The following ITGB1BP1 variants were observed in gnomAD, a reference collection of about 807,000 sequenced individuals.
The protein encoded by ITGB1BP1 is integrin subunit beta 1 binding protein 1.
Under a neutral mutation model 28.0 loss-of-function variants are expected in ITGB1BP1, and 20 were observed. The observed-to-expected ratio is 0.71, with a 90% CI of 0.50 to 1.04. The LOEUF (loss-of-function observed/expected upper bound fraction) is 1.04. Ranked by LOEUF, ITGB1BP1 falls within the 50% of genes least tolerant of loss-of-function variation. The probability of loss-of-function intolerance (pLI) is 0.00; values close to 1 mark genes in which losing one functional copy is unlikely to be tolerated. For missense variants in ITGB1BP1, 228 were observed against 242.5 expected (o/e 0.94, Z 0.40); for synonymous variants, 103 against 89.5 (o/e 1.15, Z -0.85).
At chr2:9,407,821 C>T (rs1677736160) in intron 5 of ITGB1BP1, among the ~76,000 whole-genome samples, 1 of 151,444 alleles carries the variant, frequency 6.6e-6, no homozygotes, top group Admixed American at 6.6e-5. Flanking sequence ...GCCCACCGTC[C>T]AAGCTGACAG....
At chr2:9,409,841 C>CTTTTTTTT (rs1036594187) in intron 4 of ITGB1BP1, among the ~76,000 whole-genome samples, 2 of 123,164 alleles carry the variant, frequency 1.6e-5, no homozygotes, top group Admixed American at 8.6e-5. Flanking sequence ...ACCGTGAGTT[C>CTTTTTTTT]TTTTTTTTTT....
intron 4 of ITGB1BP1, among the ~76,000 whole-genome samples, chr2:9,410,125 C>T (rs1361097341): frequency 6.6e-6 from 1 of 151,934 alleles, no homozygotes; most frequent in Non-Finnish European, 1.5e-5. Context: ...AATTATAGGC[C>T]TGAGCCACCG....
chr2:9,419,084 T>C (rs1388747369), intron 1 of ITGB1BP1, among the ~76,000 whole-genome samples: 1 of 152,220 alleles, frequency 6.6e-6, no homozygotes, highest in East Asian at 1.9e-4. Flanking sequence ...TGGTTACAGT[T>C]ACATCAGGAA....
chr2:9,412,063 A>G (rs1235747031), intron 4 of ITGB1BP1: 1 of 454,398 alleles, frequency 2.2e-6, no homozygotes, highest in South Asian at 3.3e-5. Context: ...AAAAAAAAAA[A>G]GTACCGTGTT....
chr2:9,407,042 G>A (rs10929579), intron 6 of ITGB1BP1, 137 bp from the exon 7 acceptor site: 337,586 of 688,730 alleles, frequency 0.49, 89,238 homozygotes, highest in Middle Eastern at 0.63. Context: ...GCCTGGGTCA[G>A]TGGAACCCAT....
chr2:9,407,211 T>A (rs1486662047), intron 6 of ITGB1BP1: 4 of 607,902 alleles, frequency 6.6e-6, no homozygotes, highest in Non-Finnish European at 1.2e-5. Flanking sequence ...TTTCCTCAGC[T>A]GCTTTGTTTA....
At chr2:9,414,097 A>G (rs1678812332) in intron 3 of ITGB1BP1, 81 bp downstream of exon 3, 1 of 1,128,858 alleles carries the variant, frequency 8.9e-7, no homozygotes, top group Non-Finnish European at 1.3e-6. Context: ...AATACTGAAG[A>G]ACTCATTGTG....
chr2:9,412,592 C>T (rs959868387), intron 3 of ITGB1BP1, 187 bp from the exon 4 acceptor site: 2 of 546,134 alleles, frequency 3.7e-6, no homozygotes, highest in Non-Finnish European at 3.2e-6. Flanking sequence ...TCCTCAGTGA[C>T]TCATGGTATA....
intron 1 of ITGB1BP1, among the ~76,000 whole-genome samples, chr2:9,419,164 T>C (rs964453498): frequency 5.3e-5 from 8 of 152,244 alleles, no homozygotes; most frequent in African/African-American, 1.9e-4. Flanking sequence ...TTGGATACTA[T>C]TCCTTTTCAT....
At chr2:9,411,385 G>A (rs1678355659) in intron 4 of ITGB1BP1, among the ~76,000 whole-genome samples, 2 of 152,108 alleles carry the variant, frequency 1.3e-5, no homozygotes, top group South Asian at 2.1e-4. Flanking sequence ...ACCAGTCACC[G>A]CAACCAGCTC....
rs1677207479 is a variant in ITGB1BP1 at position 9,405,869 on chromosome 2, T to C, written c.*965A>G. 1.3e-5 allele frequency: 2 copies of C among 152,218 alleles called. No individual in the cohort carries two copies. Among genetic ancestry groups the C allele is most frequent in the African/African-American group, 4.8e-5 (2 of 41,456 alleles). The allele number at this position is 152,218 out of a possible 1,614,324, so 9.4% of individuals were successfully genotyped here. On this transcript the variant is annotated 3_prime_UTR_variant, in exon 7 of 7. Coordinates refer to ENST00000355346, the MANE Select transcript of ITGB1BP1 (RefSeq NM_004763.5). ...TATCTTGACCAGACACTTCTGAAAATCTGCTTTGTGTGTCTTAAGTTGGCA... is the reference window on the plus strand; with the variant it reads ...TATCTTGACCAGACACTTCTGAAAACCTGCTTTGTGTGTCTTAAGTTGGCA...
At position 9,404,452 on chromosome 2, in the gene ITGB1BP1, A is replaced by G. The variant is rs1045173423; in HGVS notation, c.*2382T>C. Reference sequence around the variant, plus strand: ...CTTAAGCTACTTGGGGTGGTAGTAGAGGATTAGGTTGTCTATTATAAAACC... The same window carrying G: ...CTTAAGCTACTTGGGGTGGTAGTAGGGGATTAGGTTGTCTATTATAAAACC... On this transcript the variant is annotated 3_prime_UTR_variant, in exon 7 of 7. Transcript: ENST00000355346. 1 of 152,316 alleles carries G rather than the reference A, an allele frequency of 6.6e-6. No homozygotes were observed. The highest frequency in any genetic ancestry group is 2.1e-4 in the South Asian group (1 of 4,826). The allele number at this position is 152,316 out of a possible 1,614,324, so 9.4% of individuals were successfully genotyped here.
intron 3 of ITGB1BP1, chr2:9,412,638 T>C (rs1678592445): frequency 2.7e-6 from 1 of 369,974 alleles, no homozygotes; most frequent in African/African-American, 2.1e-5. Flanking sequence ...ATAATAGGAA[T>C]AAATATATTA....
chr2:9,423,263 GC>G (rs1417942247), intron 1 of ITGB1BP1, 109 bp downstream of exon 1: 4 of 1,168,490 alleles, frequency 3.4e-6, no homozygotes, highest in Middle Eastern at 3.8e-4. Context: ...TCCTCCGCCC[GC>G]CCCGCGGCCC....
chr2:9,423,555 C>G (rs878917543), upstream of ITGB1BP1: 2 of 1,149,842 alleles, frequency 1.7e-6, no homozygotes, highest in African/African-American at 1.6e-5. Flanking sequence ...GACGTCCTAC[C>G]CCCGGTTCCA....
rs1391726796 is a variant in ITGB1BP1, at chr2:9,403,860, T to A, written c.*2974A>T. ...AAAAAGCAACTTGGAAATTTACACA[T>A]TAGCATTGTACTTTCTAGCCCTAAT... On this transcript the variant is annotated 3_prime_UTR_variant, in exon 7 of 7. Coordinates refer to ENST00000355346, the MANE Select transcript of ITGB1BP1 (RefSeq NM_004763.5). 6.4e-6 allele frequency: 1 copy of A among 155,422 alleles called. No individual in the cohort carries two copies. Among genetic ancestry groups the A allele is most frequent in the Non-Finnish European group, 1.4e-5 (1 of 70,210 alleles). The allele number at this position is 155,422 out of a possible 1,614,324, so 9.6% of individuals were successfully genotyped here.
In ITGB1BP1 at chr2:9,415,319, C is replaced by A. The variant is rs1274112515; in HGVS notation, c.73-1063G>T. ...GCTTGAACCCAGGAGGTGGAGGTTG[C>A]AGTGAGCCAAGATCACGCCACTGCA... is the stretch of plus-strand genomic sequence containing the variant. On this transcript the variant is annotated intron_variant, in intron 2 of 6. Transcript: ENST00000355346. This position sits in a 1 kb window ranked among gnomAD's most constrained non-coding sequence, Gnocchi z 4.1. Among the ~76,000 whole-genome samples the A allele has an allele frequency of 6.6e-6, 1 of 152,042 alleles. No individual in the cohort carries two copies. The highest frequency in any genetic ancestry group is 1.5e-5 in the Non-Finnish European group (1 of 68,002).
chr2:9,417,304 C>T (rs146877693), intron 2 of ITGB1BP1, among the ~76,000 whole-genome samples: 7 of 152,168 alleles, frequency 4.6e-5, no homozygotes, highest in African/African-American at 1.7e-4. Flanking sequence ...CCCTAAACTG[C>T]GATCCTTCCA....
At position 9,412,165 on chromosome 2, in the gene ITGB1BP1, G is replaced by A; in HGVS notation, c.288+104C>T. On this transcript the variant is annotated intron_variant, in intron 4 of 6. Transcript: ENST00000355346. Reference sequence around the variant, plus strand: ...CGGGGACTTCAGTCGAGAGCAAGCGGAGCGGCACCCAGTGGACCCGAGGAG... The same window carrying A: ...CGGGGACTTCAGTCGAGAGCAAGCGAAGCGGCACCCAGTGGACCCGAGGAG... 5.3e-6 allele frequency: 5 copies of A among 946,138 alleles called. No individual in the cohort carries two copies. In the South Asian group the frequency reaches 5.7e-5, roughly 11 times the overall value. 58.6% of individuals were successfully genotyped at this position (946,138 alleles called of 1,614,324 possible). A position where few individuals can be genotyped will look rare whatever the true frequency, so the allele number is the denominator to read the frequency against.
Sources: allele counts gnomAD v4.1 joint callset (sites outside exome capture counted in the v4.1 genomes callset), GRCh38; gene constraint gnomAD v4.1.1; non-coding constraint Gnocchi (gnomAD v3.1); transcripts MANE v1.5; gene names NCBI Gene and HGNC (gene_info 2026-07-23, HGNC 2026-07-21).